Variants in SLC39A11 observed in about 807,000 individuals in gnomAD.
SLC39A11 encodes the protein zinc transporter ZIP11.
A neutral mutation model predicts 36.1 loss-of-function variants in SLC39A11; 33 were observed. The ratio of observed to expected loss-of-function variants is 0.91; its 90% confidence interval spans 0.69 to 1.22. The LOEUF is 1.22. Ranked by LOEUF, SLC39A11 falls within the 50% of genes most tolerant of loss-of-function variation. SLC39A11 has a pLI of 0.00. For synonymous variants in SLC39A11, 166 were observed against 170.3 expected, an observed-to-expected ratio of 0.97 and a Z score of 0.20; for missense variants, 432 against 430.3, an observed-to-expected ratio of 1.00 and a Z score of -0.03.
chr17:73,051,430 G>A (rs879356683), intron 3 of SLC39A11, among the ~76,000 whole-genome samples: 1 of 152,026 alleles, frequency 6.6e-6, no homozygotes, highest in Non-Finnish European at 1.5e-5. Context: ...CCAACCCAAG[G>A]CAGACAGGAA....
At chr17:72,873,250 C>T (rs1026256866) in intron 5 of SLC39A11, among the ~76,000 whole-genome samples, 5 of 151,954 alleles carry the variant, frequency 3.3e-5, no homozygotes, top group Non-Finnish European at 1.5e-5. Context: ...GAAACCTATA[C>T]CAAGAAACTG....
At chr17:72,886,806 G>A (rs189512512) in intron 5 of SLC39A11, among the ~76,000 whole-genome samples, 1 of 152,302 alleles carries the variant, frequency 6.6e-6, no homozygotes, top group Admixed American at 6.5e-5. Flanking sequence ...AAGCTCCAGG[G>A]CCTTCTCACG....
At chr17:72,849,845 C>A in intron 5 of SLC39A11, 41 bp from the exon 6 acceptor site, 1 of 1,486,972 alleles carries the variant, frequency 6.7e-7, no homozygotes. Context: ...GGAAAGACAG[C>A]GCTTTGAACA....
Position 72,743,768 on chromosome 17 carries a change from A to G in SLC39A11, c.602-7049T>C, listed in dbSNP as rs978849720. Among the ~76,000 whole-genome samples the G allele has an allele frequency of 5.9e-5, 9 of 152,292 alleles. No individual in the cohort carries two copies. The South Asian group carries it at 1.5e-3, about 25-fold the overall frequency. On this transcript the variant is annotated intron_variant, in intron 6 of 9. Transcript: ENST00000255559. ...CACTGGGGGGAAAAGGAAAGGAGGA[A>G]AAATGCTGACTGATGCTCATGCCCC...
intron 7 of SLC39A11, among the ~76,000 whole-genome samples, chr17:72,682,532 C>T (rs2071553341): frequency 6.6e-6 from 1 of 152,200 alleles, no homozygotes; most frequent in African/African-American, 2.4e-5. Context: ...GGGGCCGGTG[C>T]CCCCAAGCCC....
chr17:72,947,878 G>C lies in SLC39A11; in HGVS notation c.307-3C>G, dbSNP rs1173933874. 6.2e-7 allele frequency: 1 copy of C among 1,613,288 alleles called. No homozygotes were observed. Among genetic ancestry groups the C allele is most frequent in the African/African-American group, 1.3e-5 (1 of 74,918 alleles). ...GTCTGGGGGTCTTCTGCTGCACCCTGAAACAAGAAGCGGTAACATCACTAG... is the reference window on the plus strand; with the variant it reads ...GTCTGGGGGTCTTCTGCTGCACCCTCAAACAAGAAGCGGTAACATCACTAG... On this transcript the variant is annotated splice_polypyrimidine_tract_variant and splice_region_variant and intron_variant, in intron 4 of 9. Transcript: ENST00000255559.
At chr17:72,664,113 A>G (rs1216254110) in intron 7 of SLC39A11, 3 of 159,196 alleles carry the variant, frequency 1.9e-5, no homozygotes, top group African/African-American at 7.2e-5. Context: ...CTGGCAATCA[A>G]TGGAGTGACA....
intron 6 of SLC39A11, among the ~76,000 whole-genome samples, chr17:72,764,991 C>T (rs1377189246): frequency 6.6e-6 from 1 of 152,160 alleles, no homozygotes; most frequent in Non-Finnish European, 1.5e-5. Flanking sequence ...GGGCTTGGGC[C>T]AAGGTAACTT....
At chr17:72,915,335 G>T (rs947703587) in intron 5 of SLC39A11, among the ~76,000 whole-genome samples, 9 of 152,094 alleles carry the variant, frequency 5.9e-5, no homozygotes. Flanking sequence ...CACCAGAATT[G>T]TTCAAACTAG....
chr17:72,722,638 T>C (rs891202100), intron 7 of SLC39A11, among the ~76,000 whole-genome samples: 1 of 152,024 alleles, frequency 6.6e-6, no homozygotes, highest in Admixed American at 6.6e-5. Context: ...AATAACACTT[T>C]TTTTTTTCTT....
intron 4 of SLC39A11, among the ~76,000 whole-genome samples, chr17:73,022,042 G>C (rs1036042250): frequency 6.6e-6 from 1 of 152,268 alleles, no homozygotes; most frequent in African/African-American, 2.4e-5. Flanking sequence ...TCAAAAGCCA[G>C]AGAGCAGACA....
Position 73,092,665 on chromosome 17 carries a change from C to T in SLC39A11, c.-66G>A, listed in dbSNP as rs2060965451. 6.5e-6 allele frequency: 1 copy of T among 152,956 alleles called. No homozygotes were observed. The highest frequency in any genetic ancestry group is 1.5e-5 in the Non-Finnish European group (1 of 68,422). The allele number at this position is 152,956 out of a possible 1,614,324, so 9.5% of individuals were successfully genotyped here. On this transcript the variant is annotated 5_prime_UTR_variant, in exon 1 of 10. Transcript: ENST00000255559. ...TTCCATCAGCCCCCGCTGCCACTCT[C>T]TCGCCGGCTCCACTCCCGCAGTCAC...
intron 7 of SLC39A11, chr17:72,663,888 G>T (rs1292276656): frequency 2.0e-5 from 3 of 152,596 alleles, no homozygotes; most frequent in Non-Finnish European, 4.4e-5. Flanking sequence ...CACTAACAAT[G>T]TTTCCAGAAT....
chr17:72,958,998 T>TA (rs35589334), intron 4 of SLC39A11, among the ~76,000 whole-genome samples: 1 of 151,668 alleles, frequency 6.6e-6, no homozygotes, highest in East Asian at 1.9e-4. Flanking sequence ...ATGACCATAA[T>TA]AAAAAAAATT....
At chr17:73,003,919 C>G (rs1166378120) in intron 4 of SLC39A11, among the ~76,000 whole-genome samples, 2 of 151,946 alleles carry the variant, frequency 1.3e-5, no homozygotes, top group Non-Finnish European at 2.9e-5. Context: ...AACCCCGTCT[C>G]TACTAAAAAT....
intron 4 of SLC39A11, among the ~76,000 whole-genome samples, chr17:72,960,383 A>ATAGGTAGGTAGG (rs561968831): frequency 4.6e-5 from 7 of 152,254 alleles, no homozygotes; most frequent in Non-Finnish European, 5.9e-5. Context: ...TCTTGTATAC[A>ATAGGTAGGTAGG]TAGGTAGGTA....
intron 6 of SLC39A11, among the ~76,000 whole-genome samples, chr17:72,804,330 G>A (rs1351432756): frequency 1.3e-5 from 2 of 152,132 alleles, no homozygotes; most frequent in African/African-American, 4.8e-5. Context: ...AGTGGTCAAT[G>A]TCCTAGAAAG....
At chr17:72,937,459 CAAACA>C (rs995726293) in intron 5 of SLC39A11, among the ~76,000 whole-genome samples, 9 of 56,070 alleles carry the variant, frequency 1.6e-4, no homozygotes, top group Non-Finnish European at 2.6e-4. Flanking sequence ...TCCGTCTAAA[CAAACA>C]AACAAAAAAT....
chr17:72,825,117 A>T (rs1292346403), intron 6 of SLC39A11, among the ~76,000 whole-genome samples: 2 of 144,854 alleles, frequency 1.4e-5, no homozygotes, highest in African/African-American at 4.9e-5. Context: ...AGCCCCTTCC[A>T]TCATAGGCCT....
Sources: allele counts gnomAD v4.1 joint callset (sites outside exome capture counted in the v4.1 genomes callset), GRCh38; gene constraint gnomAD v4.1.1; transcripts MANE v1.5; gene names NCBI Gene and HGNC (gene_info 2026-07-23, HGNC 2026-07-21).